TP53I13: variants seen among roughly 807,000 people sequenced by gnomAD.
TP53I13 encodes tumor protein p53 inducible protein 13.
Under a neutral mutation model 39.1 loss-of-function variants are expected in TP53I13, and 27 were observed. That is an observed-to-expected ratio of 0.69 (90% CI 0.51 to 0.95). TP53I13 has a LOEUF of 0.95. Ranked by LOEUF, TP53I13 falls within the 40% of genes least tolerant of loss-of-function variation. The pLI, the probability that TP53I13 is intolerant of heterozygous loss-of-function variation, is 0.00. For synonymous variants in TP53I13, 230 were observed against 224.6 expected, an observed-to-expected ratio of 1.02 and a Z score of -0.22; for missense variants, 544 against 520.4, an observed-to-expected ratio of 1.05 and a Z score of -0.44.
At chr17:29,575,139 G>A (rs745617945), downstream of TP53I13, 5 of 1,597,672 alleles carry the variant, frequency 3.1e-6, no homozygotes, top group Non-Finnish European at 3.4e-6. This position sits in a 1 kb window ranked among gnomAD's most constrained non-coding sequence, Gnocchi z 5.5. Context: ...AGCAGGGCAC[G>A]AAGCTGCGGG....
At chr17:29,575,950 GCTCACCA>G (rs1598564461), downstream of TP53I13, 4 of 1,548,104 alleles carry the variant, frequency 2.6e-6, no homozygotes, top group East Asian at 9.1e-5. The surrounding 1 kb of genome is among the most constrained non-coding windows in gnomAD (Gnocchi z 5.5). Flanking sequence ...CTGCCCCCCT[GCTCACCA>G]GCAGTGCAGC....
downstream of TP53I13, chr17:29,576,781 G>C: frequency 6.3e-7 from 1 of 1,576,390 alleles, no homozygotes; most frequent in Non-Finnish European, 8.6e-7. Flanking sequence ...TCAGGCCCCT[G>C]GGCTACAAGA....
chr17:29,571,522 G>T, intron 3 of TP53I13, 69 bp from the exon 4 acceptor site: 1 of 1,598,530 alleles, frequency 6.3e-7, no homozygotes, highest in Non-Finnish European at 8.5e-7. Context: ...TGGTCCCCTG[G>T]ATGGGAGAAC....
rs1199226699 is a variant in TP53I13, at chr17:29,568,769, C to T, written c.11C>T (p.Pro4Leu). 2 of 1,590,542 alleles carry T rather than the reference C, an allele frequency of 1.3e-6. No homozygotes were observed. The highest frequency in any genetic ancestry group is 2.3e-5 in the East Asian group (1 of 43,594). MAP[P>L]PPSPQLLLLA... Reference sequence around the variant, plus strand: ...CCGGGGCCGCTTGGAATGGCGCCTCCTCCGCCTTCGCCCCAACTGCTTCTC... The same window carrying T: ...CCGGGGCCGCTTGGAATGGCGCCTCTTCCGCCTTCGCCCCAACTGCTTCTC... Residue 4 changes from proline (P) to leucine (L), a missense_variant, in exon 1 of 7, where the codon CCT (proline) becomes CTT (leucine). Transcript: ENST00000301057. This position sits in a 1 kb window ranked among gnomAD's most constrained non-coding sequence, Gnocchi z 4.5.
intron 3 of TP53I13, 70 bp downstream of exon 3, chr17:29,569,429 C>A (rs1390956889): frequency 6.8e-6 from 10 of 1,479,952 alleles, no homozygotes; most frequent in Non-Finnish European, 8.4e-6. Context: ...GCAGGCTTCG[C>A]TGCCTGTTCT....
At chr17:29,579,926 C>T in the TP53I13 span, among the ~76,000 whole-genome samples, 1 of 152,182 alleles carries the variant, frequency 6.6e-6, no homozygotes, top group East Asian at 1.9e-4. Flanking sequence ...GGGATGGTCA[C>T]TGCTCCTGCT....
chr17:29,578,378 G>A, the TP53I13 span: 16 of 1,613,802 alleles, frequency 9.9e-6, no homozygotes, highest in African/African-American at 1.5e-4. Flanking sequence ...TGAGCTGGAG[G>A]AAGAGAGGGG....
At chr17:29,568,178 G>A (rs1354370481), upstream of TP53I13, 1 of 152,196 alleles carries the variant, frequency 6.6e-6, no homozygotes, top group Non-Finnish European at 1.5e-5. The surrounding 1 kb of genome is among the most constrained non-coding windows in gnomAD (Gnocchi z 4.5). Flanking sequence ...ATTTGCGAGG[G>A]CGGGAGCGGG....
chr17:29,582,010 T>C, the TP53I13 span: 7 of 1,612,724 alleles, frequency 4.3e-6, no homozygotes, highest in South Asian at 5.5e-5. Flanking sequence ...CGGCCTGCAG[T>C]GTCTGTCCTG....
At chr17:29,566,504 C>A, upstream of TP53I13, 1 of 1,611,436 alleles carries the variant, frequency 6.2e-7, no homozygotes, top group Non-Finnish European at 8.5e-7. Flanking sequence ...GCAGGAAGGC[C>A]CCCGGCGCTG....
chr17:29,578,902 C>A, the TP53I13 span: 1 of 1,589,786 alleles, frequency 6.3e-7, no homozygotes, highest in Non-Finnish European at 8.6e-7. Context: ...ATGCTGCACA[C>A]CAAATGCCTC....
At chr17:29,576,702 C>G, downstream of TP53I13, 1 of 1,612,558 alleles carries the variant, frequency 6.2e-7, no homozygotes, top group Non-Finnish European at 8.5e-7. Flanking sequence ...AGCTGGTCAG[C>G]ACCTGGGGGC....
downstream of TP53I13, chr17:29,574,495 G>A (rs1348462109): frequency 4.7e-5 from 30 of 634,750 alleles, no homozygotes; most frequent in Non-Finnish European, 7.3e-5. Context: ...CATGGAATGT[G>A]GGGGACAGAA....
At chr17:29,572,719 C>G (rs1023801532) in intron 6 of TP53I13, 22 bp downstream of exon 6, 1 of 1,510,864 alleles carries the variant, frequency 6.6e-7, no homozygotes, top group South Asian at 1.3e-5. Flanking sequence ...CCTCCCTACC[C>G]TACCCGAGGC....
Position 29,572,597 on chromosome 17 carries a change from G to C in TP53I13, c.969G>C (p.Leu323=), listed in dbSNP as rs1461543514. 1.9e-6 allele frequency: 3 copies of C among 1,591,640 alleles called. No individual in the cohort carries two copies. The highest frequency in any genetic ancestry group is 2.6e-6 in the Non-Finnish European group (3 of 1,169,888). ...TGGCCCTGACCTTCCTGCTGGTGCT[G>C]CTCACCCTGGCCACGCTCTGCACAC... ...AAMALTFLLV[L]LTLATLCTRL... is the part of the protein sequence containing the mutation. The change falls in exon 6 of 7, where the codon CTG becomes CTC. Residue 323 remains leucine (L), a synonymous_variant. Coordinates refer to ENST00000301057, the MANE Select transcript of TP53I13 (RefSeq NM_138349.4).
chr17:29,577,384 G>C, downstream of TP53I13: 2 of 743,072 alleles, frequency 2.7e-6, no homozygotes. Flanking sequence ...GCTTCACCTG[G>C]CTAGTCAGCA....
the TP53I13 span, among the ~76,000 whole-genome samples, chr17:29,580,734 G>A: frequency 8.6e-5 from 13 of 151,886 alleles, no homozygotes; most frequent in Admixed American, 1.3e-4. Flanking sequence ...ACAGAACCCA[G>A]TGGCCCACCC....
At chr17:29,566,918 G>C (rs1019363003), upstream of TP53I13, 42 of 1,483,920 alleles carry the variant, frequency 2.8e-5, no homozygotes, top group Non-Finnish European at 3.7e-5. Context: ...AGGCCGAGAA[G>C]GGCGAGCACG....
At chr17:29,566,876 GC>G, upstream of TP53I13, 2 of 1,499,386 alleles carry the variant, frequency 1.3e-6, no homozygotes, top group Non-Finnish European at 8.8e-7. Flanking sequence ...CCGACGGCGC[GC>G]CCCCAGGGTC....
Sources: allele counts gnomAD v4.1 joint callset (sites outside exome capture counted in the v4.1 genomes callset), GRCh38; gene constraint gnomAD v4.1.1; non-coding constraint Gnocchi (gnomAD v3.1); transcripts MANE v1.5; gene names NCBI Gene and HGNC (gene_info 2026-07-23, HGNC 2026-07-21).